MAL2: variants seen among roughly 807,000 people sequenced by gnomAD.
MAL2 encodes protein MAL2.
MAL2 carries 17 observed loss-of-function variants against 18.1 expected under a neutral mutation model. That is an observed-to-expected ratio of 0.94 (90% CI 0.64 to 1.41). The LOEUF (loss-of-function observed/expected upper bound fraction) is 1.41, where lower values mean the gene tolerates loss of function less well. Among genes scored for constraint, MAL2 ranks in the 40% most tolerant of loss-of-function variants. The pLI, the probability that MAL2 is intolerant of heterozygous loss-of-function variation, is 0.00. For synonymous variants in MAL2, 102 were observed against 102.3 expected (o/e 1.00, Z 0.02); for missense variants, 222 against 231.9 (o/e 0.96, Z 0.28).
chr8:119,211,885 G>A (rs549952963), intron 1 of MAL2, among the ~76,000 whole-genome samples: 18 of 152,056 alleles, frequency 1.2e-4, no homozygotes, highest in East Asian at 1.9e-4. Context: ...TTCAAAATTC[G>A]CACTTTCAAA....
intron 2 of MAL2, among the ~76,000 whole-genome samples, chr8:119,227,776 C>G (rs1332380736): frequency 6.6e-6 from 1 of 152,172 alleles, no homozygotes; most frequent in Non-Finnish European, 1.5e-5. Context: ...TGAAGAAAGA[C>G]TTAAAGGAGA....
chr8:119,239,570 C>T (rs1252224985), intron 2 of MAL2, among the ~76,000 whole-genome samples: 2 of 151,994 alleles, frequency 1.3e-5, no homozygotes, highest in African/African-American at 4.8e-5. Context: ...CACATATACA[C>T]CATGGAATAC....
chr8:119,232,042 C>A (rs1817741992), intron 2 of MAL2, among the ~76,000 whole-genome samples: 1 of 151,784 alleles, frequency 6.6e-6, no homozygotes, highest in Non-Finnish European at 1.5e-5. Flanking sequence ...TTGAAAAATG[C>A]TAAAAAATAT....
rs1818019453 is a variant in MAL2, at chr8:119,240,262, C to A, written c.401C>A (p.Thr134Asn). The change falls in exon 3 of 4, where the codon ACC becomes AAC. Residue 134 changes from threonine (T) to asparagine (N), a missense_variant. Transcript: ENST00000614891. ...CTGCATGATTTGCATTGCAATACAA[C>A]CATAACCGGGCAGCCACTCCTGAGT... Reference protein sequence around the residue: ...TSLHDLHCNTTITGQPLLSDN... With the variant: ...TSLHDLHCNTNITGQPLLSDN... 1 of 1,613,526 alleles carries A rather than the reference C, an allele frequency of 6.2e-7. No homozygotes were observed. Among genetic ancestry groups the A allele is most frequent in the Admixed American group, 1.7e-5 (1 of 59,892 alleles).
chr8:119,219,679 G>A (rs536614070), intron 1 of MAL2, among the ~76,000 whole-genome samples: 2 of 152,244 alleles, frequency 1.3e-5, no homozygotes, highest in South Asian at 4.2e-4. Flanking sequence ...CTGATGGTTA[G>A]GAAAGGATTA....
At chr8:119,237,579 G>C (rs1307080080) in intron 2 of MAL2, among the ~76,000 whole-genome samples, 1 of 151,680 alleles carries the variant, frequency 6.6e-6, no homozygotes. Context: ...ACATCAAAAA[G>C]CTTATCCACC....
chr8:119,234,979 G>A (rs1236130828), intron 2 of MAL2, among the ~76,000 whole-genome samples: 1 of 152,048 alleles, frequency 6.6e-6, no homozygotes, highest in African/African-American at 2.4e-5. Context: ...GACGAGCTGA[G>A]AGAAGAAGGC....
In MAL2 at chr8:119,237,883, C is replaced by G. The variant is rs573083258; in HGVS notation, c.304-2282C>G. Among the ~76,000 whole-genome samples, 263 of 152,256 alleles carry G rather than the reference C, an allele frequency of 1.7e-3. 1 individual carries two copies. The highest frequency in any genetic ancestry group is 5.5e-3 in the African/African-American group (227 of 41,514). On this transcript the variant is annotated intron_variant, in intron 2 of 3. Transcript: ENST00000614891. ...ATTCCCTTTGAAAACTGGCACAAGA[C>G]AGGGATGCCCTCTCTCACCATTCCT... is the stretch of plus-strand genomic sequence containing the variant.
intron 2 of MAL2, among the ~76,000 whole-genome samples, chr8:119,222,468 C>T (rs1817485140): frequency 6.6e-6 from 1 of 151,090 alleles, no homozygotes; most frequent in Admixed American, 6.6e-5. Context: ...AGGCAGTGAG[C>T]CTAGATTGTG....
Position 119,243,459 on chromosome 8 carries a change from G to T in MAL2, c.502G>T (p.Gly168Cys). 6.2e-7 allele frequency: 1 copy of T among 1,601,656 alleles called. No individual in the cohort carries two copies. The highest frequency in any genetic ancestry group is 8.5e-7 in the Non-Finnish European group (1 of 1,173,448). ...MTTACYGCSL[G>C]LALRRWRP ...GACAGCTTGTTATGGTTGCAGTTTG[G>T]GTCTGGCTTTACGAAGATGGCGACC... Residue 168 changes from glycine to cysteine, a missense_variant, in exon 4 of 4, where the codon GGT becomes TGT. Transcript: ENST00000614891.
chr8:119,226,058 C>G (rs947098381), intron 2 of MAL2, among the ~76,000 whole-genome samples: 1 of 151,948 alleles, frequency 6.6e-6, no homozygotes, highest in African/African-American at 2.4e-5. Context: ...TTCTCCCATT[C>G]TGTAAAAAAT....
intron 1 of MAL2, among the ~76,000 whole-genome samples, chr8:119,219,063 AAAT>A (rs1383628840): frequency 5.9e-5 from 9 of 152,238 alleles, no homozygotes; most frequent in African/African-American, 2.2e-4. Flanking sequence ...ATGTAAAGGT[AAAT>A]AATATTAGGA....
In MAL2 at chr8:119,234,702, C is replaced by G. The variant is rs536017310; in HGVS notation, c.304-5463C>G. 3.3e-3 allele frequency among the ~76,000 whole-genome samples: 498 copies of G among 149,464 alleles called. 3 individuals are homozygous for G. Among genetic ancestry groups the G allele is most frequent in the African/African-American group, 8.1e-3 (315 of 38,896 alleles). On this transcript the variant is annotated intron_variant, in intron 2 of 3. Coordinates refer to ENST00000614891, the MANE Select transcript of MAL2 (RefSeq NM_052886.3). The stretch of plus-strand genomic sequence containing the variant: ...AGGCACCCCCCAGCAGGGGCACACT[C>G]ACAATTCACACGGCAGGGTATTCCA...
Position 119,240,255 on chromosome 8 carries a change from A to G in MAL2, c.394A>G (p.Asn132Asp), listed in dbSNP as rs940192436. ...AATSLHDLHC[N>D]TTITGQPLLS... ...CACATCCCTGCATGATTTGCATTGC[A>G]ATACAACCATAACCGGGCAGCCACT... Residue 132 changes from asparagine (N) to aspartate (D), a missense_variant, in exon 3 of 4, where the codon AAT becomes GAT. Asn to Asp is a conservative substitution (Grantham distance 23). Transcript: ENST00000614891. The G allele has an allele frequency of 1.9e-6, 3 of 1,613,694 alleles. No individual in the cohort carries two copies. The East Asian group carries it at 6.7e-5, about 36-fold the overall frequency.
At chr8:119,235,671 G>A (rs1329977924) in intron 2 of MAL2, among the ~76,000 whole-genome samples, 1 of 151,730 alleles carries the variant, frequency 6.6e-6, no homozygotes, top group East Asian at 1.9e-4. Context: ...TTTCAACCCA[G>A]AATTTCATAT....
chr8:119,229,937 C>T lies in MAL2; in HGVS notation c.303+8180C>T, dbSNP rs891932792. On this transcript the variant is annotated intron_variant, in intron 2 of 3. Coordinates refer to ENST00000614891, the MANE Select transcript of MAL2 (RefSeq NM_052886.3). The stretch of plus-strand genomic sequence containing the variant: ...CTAGGCTACCTGCTCTTGCAGTTAC[C>T]TCTTGTTAACTGGTCTTGCTCAGGT... Among the ~76,000 whole-genome samples, 5 of 152,312 alleles carry T rather than the reference C, an allele frequency of 3.3e-5. No homozygotes were observed. The East Asian group carries it at 9.7e-4, about 29-fold the overall frequency.
chr8:119,209,935 C>T (rs1172505420), intron 1 of MAL2, among the ~76,000 whole-genome samples: 2 of 151,980 alleles, frequency 1.3e-5, no homozygotes, highest in Admixed American at 6.6e-5. Context: ...GGCTGGCTGC[C>T]TTGCTGTGGG....
chr8:119,240,789 A>G (rs1312722952), intron 3 of MAL2, among the ~76,000 whole-genome samples: 1 of 152,204 alleles, frequency 6.6e-6, no homozygotes, highest in Admixed American at 6.5e-5. Context: ...AGTTCCTGCC[A>G]TTAAGGAAAG....
At chr8:119,225,568 C>T (rs190693774) in intron 2 of MAL2, among the ~76,000 whole-genome samples, 2,893 of 152,196 alleles carry the variant, frequency 0.019, 92 homozygotes, top group African/African-American at 0.063. Flanking sequence ...TGAATAGTGC[C>T]GCAATAAACA....
Sources: allele counts gnomAD v4.1 joint callset (sites outside exome capture counted in the v4.1 genomes callset), GRCh38; gene constraint gnomAD v4.1.1; transcripts MANE v1.5; gene names NCBI Gene and HGNC (gene_info 2026-07-23, HGNC 2026-07-21).